Variants in LARGE1 observed in about 807,000 individuals in gnomAD.
LARGE1 encodes the protein LARGE xylosyl- and glucuronyltransferase 1.
In LARGE1, 43 loss-of-function variants were observed where a neutral mutation model predicts 87.6. The observed-to-expected ratio is 0.49, with a 90% CI of 0.38 to 0.63. The LOEUF is 0.63. LARGE1 is among the 30% of genes least tolerant of loss of function. The probability of loss-of-function intolerance (pLI) is 0.00; values close to 1 mark genes in which losing one functional copy is unlikely to be tolerated. For missense variants in LARGE1, 802 were observed against 1,000.2 expected (o/e 0.80, Z 2.67); for synonymous variants, 434 against 394.6 (o/e 1.10, Z -1.18).
intron 1 of LARGE1, among the ~76,000 whole-genome samples, chr22:33,872,064 G>A (rs1011060986): frequency 1.3e-5 from 2 of 151,666 alleles, no homozygotes; most frequent in African/African-American, 2.4e-5. Context: ...AGTGATGGAG[G>A]GGGTTCCTTC....
chr22:33,121,154 A>G, the LARGE1 span, among the ~76,000 whole-genome samples: 1 of 151,986 alleles, frequency 6.6e-6, no homozygotes, highest in Non-Finnish European at 1.5e-5. Context: ...AATGACATCT[A>G]ATTGTTGTTC....
At chr22:33,897,936 T>C (rs2065186990) in intron 1 of LARGE1, among the ~76,000 whole-genome samples, 1 of 152,218 alleles carries the variant, frequency 6.6e-6, no homozygotes, top group Non-Finnish European at 1.5e-5. Context: ...TAATTTGTTT[T>C]ATGATTTGCT....
At chr22:33,365,178 C>T (rs760121035) in intron 9 of LARGE1, among the ~76,000 whole-genome samples, 22 of 152,204 alleles carry the variant, frequency 1.4e-4, no homozygotes, top group East Asian at 1.4e-3. Context: ...TGTTGTAATT[C>T]GCTCACTGAT....
intron 11 of LARGE1, among the ~76,000 whole-genome samples, chr22:33,239,974 C>T (rs761034520): frequency 6.6e-5 from 10 of 152,130 alleles, no homozygotes; most frequent in Admixed American, 1.3e-4. Context: ...TGCAAGTCTT[C>T]TTGTGAACAT....
At chr22:33,649,801 A>G (rs2080736356) in intron 3 of LARGE1, among the ~76,000 whole-genome samples, 1 of 152,256 alleles carries the variant, frequency 6.6e-6, no homozygotes, top group Non-Finnish European at 1.5e-5. Flanking sequence ...AATAGAGGAC[A>G]ATAAATATCC....
At chr22:33,309,760 G>T (rs1350512105) in intron 11 of LARGE1, among the ~76,000 whole-genome samples, 1 of 152,160 alleles carries the variant, frequency 6.6e-6, no homozygotes, top group South Asian at 2.1e-4. Flanking sequence ...GGGTAACAAT[G>T]GGCTCAGCAT....
intron 6 of LARGE1, among the ~76,000 whole-genome samples, chr22:33,530,751 T>C (rs1338681469): frequency 6.6e-6 from 1 of 152,166 alleles, no homozygotes; most frequent in Non-Finnish European, 1.5e-5. Flanking sequence ...AGGACCAGGA[T>C]CTAAAAGCTC....
intron 2 of LARGE1, among the ~76,000 whole-genome samples, chr22:33,660,181 T>C (rs1569350535): frequency 6.6e-6 from 1 of 151,020 alleles, no homozygotes; most frequent in Non-Finnish European, 1.5e-5. Flanking sequence ...GGGGCAACCA[T>C]GTCTTCCTGC....
intron 9 of LARGE1, among the ~76,000 whole-genome samples, chr22:33,348,870 G>A (rs1418653352): frequency 6.6e-6 from 1 of 152,008 alleles, no homozygotes; most frequent in Non-Finnish European, 1.5e-5. Flanking sequence ...TTGGTGGGAG[G>A]TAATTTAGTC....
chr22:33,110,217 C>T, the LARGE1 span, among the ~76,000 whole-genome samples: 1 of 152,174 alleles, frequency 6.6e-6, no homozygotes, highest in Non-Finnish European at 1.5e-5. Flanking sequence ...ATGTCTACCC[C>T]ACACCATCTG....
At chr22:33,414,414 T>C (rs1374739317) in intron 7 of LARGE1, among the ~76,000 whole-genome samples, 1 of 151,716 alleles carries the variant, frequency 6.6e-6, no homozygotes, top group African/African-American at 2.4e-5. Context: ...ACAACAACAA[T>C]AAAAGGGTGT....
chr22:33,480,221 GGCT>G (rs2069258630), intron 6 of LARGE1, among the ~76,000 whole-genome samples: 1 of 152,164 alleles, frequency 6.6e-6, no homozygotes, highest in Non-Finnish European at 1.5e-5. Context: ...CTCGGAGCAG[GGCT>G]GCGCCATCCC....
At chr22:33,722,086 T>A (rs1392574143) in intron 2 of LARGE1, among the ~76,000 whole-genome samples, 2 of 152,156 alleles carry the variant, frequency 1.3e-5, no homozygotes, top group Non-Finnish European at 2.9e-5. Context: ...ACCCCGTCTC[T>A]ACTAAAAATA....
the LARGE1 span, among the ~76,000 whole-genome samples, chr22:33,068,558 T>C: frequency 1.3e-5 from 2 of 152,044 alleles, no homozygotes; most frequent in East Asian, 1.9e-4. Flanking sequence ...GGCAGGAGAA[T>C]GGCGTGGACC....
intron 6 of LARGE1, among the ~76,000 whole-genome samples, chr22:33,558,146 G>A (rs2077749871): frequency 6.6e-6 from 1 of 152,160 alleles, no homozygotes; most frequent in Admixed American, 6.5e-5. Flanking sequence ...TGAGATGCGT[G>A]GAAATCTGTC....
intron 2 of LARGE1, among the ~76,000 whole-genome samples, chr22:33,654,150 T>C (rs955979812): frequency 6.6e-6 from 1 of 152,194 alleles, no homozygotes; most frequent in Non-Finnish European, 1.5e-5. Flanking sequence ...AAAAGCCCTA[T>C]AGATTTGTCA....
rs34406131 is a variant in LARGE1, at chr22:33,766,913, CATATATATATATATATATATATATATAT to C, written c.-82-5383_-82-5356del. Among the ~76,000 whole-genome samples, 399 of 111,818 alleles carry C rather than the reference CATATATATATATATATATATATATATAT, an allele frequency of 3.6e-3. 5 individuals are homozygous for C. Among genetic ancestry groups the C allele is most frequent in the African/African-American group, 8.7e-3 (245 of 28,120 alleles). 73.4% of individuals were successfully genotyped at this position (111,818 alleles called of 152,430 possible). Reference sequence around the variant, plus strand: ...AGAATATGACTAATTTAAACATATACATATATATATATATATATATATATATATATATATATATATATATATATATATA... The same window carrying C: ...AGAATATGACTAATTTAAACATATACATATATATATATATATATATATATA... On this transcript the variant is annotated intron_variant, in intron 1 of 14. Coordinates refer to ENST00000397394, the MANE Select transcript of LARGE1 (RefSeq NM_133642.5).
intron 7 of LARGE1, among the ~76,000 whole-genome samples, chr22:33,395,045 G>A (rs187724404): frequency 1.6e-4 from 24 of 151,970 alleles, no homozygotes; most frequent in East Asian, 5.9e-4. Flanking sequence ...GCTAACACAC[G>A]GTGAAACCCC....
chr22:33,297,847 G>A (rs1029112595), intron 12 of LARGE1, among the ~76,000 whole-genome samples: 1 of 151,706 alleles, frequency 6.6e-6, no homozygotes, highest in African/African-American at 2.4e-5. Flanking sequence ...AGGCGTGGTG[G>A]CAGGCGCCTG....
Sources: allele counts gnomAD v4.1 joint callset (sites outside exome capture counted in the v4.1 genomes callset), GRCh38; gene constraint gnomAD v4.1.1; transcripts MANE v1.5; gene names NCBI Gene and HGNC (gene_info 2026-07-23, HGNC 2026-07-21).